The following TMEM132D variants were observed in gnomAD, a reference collection of about 807,000 sequenced individuals.
TMEM132D encodes mature OL transmembrane protein.
Under a neutral mutation model 62.3 loss-of-function variants are expected in TMEM132D, and 21 were observed. That is an observed-to-expected ratio of 0.34 (90% CI 0.24 to 0.49). The LOEUF is 0.49. Ranked by LOEUF, TMEM132D falls within the 20% of genes least tolerant of loss-of-function variation. The probability of loss-of-function intolerance (pLI) is 0.99; values close to 1 mark genes in which losing one functional copy is unlikely to be tolerated. For missense variants in TMEM132D, 1,346 were observed against 1,402.8 expected (o/e 0.96, Z 0.65); for synonymous variants, 621 against 575.6 (o/e 1.08, Z -1.13).
At chr12:129,647,121 C>CATATACAT (rs1555223528) in intron 2 of TMEM132D, among the ~76,000 whole-genome samples, 19 of 146,460 alleles carry the variant, frequency 1.3e-4, no homozygotes, top group African/African-American at 4.7e-4. Context: ...TACATACATA[C>CATATACAT]ATATATATAT....
chr12:129,343,388 G>T (rs1205479357), intron 3 of TMEM132D, among the ~76,000 whole-genome samples: 6 of 150,714 alleles, frequency 4.0e-5, no homozygotes, highest in Non-Finnish European at 8.8e-5. Flanking sequence ...AGAACACATG[G>T]ACAGAGGAAG....
chr12:129,466,297 T>G (rs1273902297), intron 3 of TMEM132D, among the ~76,000 whole-genome samples: 245 of 8,798 alleles, frequency 0.028, 47 homozygotes, highest in East Asian at 0.2. Flanking sequence ...TTTTTTTTTT[T>G]TTTTTTTTTT....
chr12:129,903,421 G>A lies in TMEM132D; in HGVS notation c.-82C>T, dbSNP rs1270207425. The A allele has an allele frequency of 1.4e-6, 2 of 1,438,830 alleles. No homozygotes were observed. The highest frequency in any genetic ancestry group is 5.0e-5 in the East Asian group (2 of 39,968). 89.1% of individuals were successfully genotyped at this position (1,438,830 alleles called of 1,614,324 possible). A position where few individuals can be genotyped will look rare whatever the true frequency, so the allele number is the denominator to read the frequency against. ...GACCGTCTCAGTCCCCTAGAGGCCC[G>A]CAGCGGGGCCGGTGGCGAGGGAGCG... On this transcript the variant is annotated 5_prime_UTR_variant, in exon 1 of 9. Transcript: ENST00000422113. The surrounding 1 kb of genome is among the most constrained non-coding windows in gnomAD (Gnocchi z 6.2).
chr12:129,361,485 C>G (rs11060272), intron 3 of TMEM132D, among the ~76,000 whole-genome samples: 94,773 of 151,990 alleles, frequency 0.62, 30,179 homozygotes, highest in African/African-American at 0.72. Context: ...GGAGAAACTG[C>G]AGGCAGGGAA....
At chr12:129,213,192 T>C (rs73418285) in intron 4 of TMEM132D, among the ~76,000 whole-genome samples, 1,700 of 152,276 alleles carry the variant, frequency 0.011, 32 homozygotes, top group African/African-American at 0.037. Context: ...TTCATTTGTA[T>C]TGCTATAAAG....
At chr12:129,788,031 C>T (rs1871290982) in intron 1 of TMEM132D, among the ~76,000 whole-genome samples, 1 of 152,224 alleles carries the variant, frequency 6.6e-6, no homozygotes, top group East Asian at 1.9e-4. Context: ...CCCACCCAGG[C>T]ATCCTGGCCC....
rs973252729 is a variant in TMEM132D, at chr12:129,827,767, C to T, written c.79+75494G>A. Among the ~76,000 whole-genome samples, 4 of 152,066 alleles carry T rather than the reference C, an allele frequency of 2.6e-5. No homozygotes were observed. The highest frequency in any genetic ancestry group is 5.9e-5 in the Non-Finnish European group (4 of 68,018). On this transcript the variant is annotated intron_variant, in intron 1 of 8. Coordinates refer to ENST00000422113, the MANE Select transcript of TMEM132D (RefSeq NM_133448.3). The surrounding 1 kb of genome is among the most constrained non-coding windows in gnomAD (Gnocchi z 9.7). The stretch of plus-strand genomic sequence containing the variant: ...CCCCTCACCTCAGTTAAGTGCATTC[C>T]GAGCTAACAGATGCAAAGTGCTTGG...
At chr12:129,492,786 C>A (rs554894450) in intron 3 of TMEM132D, among the ~76,000 whole-genome samples, 126 of 152,230 alleles carry the variant, frequency 8.3e-4, no homozygotes, top group Middle Eastern at 3.4e-3. Context: ...ACCCTCAAGT[C>A]ACTAAGGTCT....
intron 3 of TMEM132D, among the ~76,000 whole-genome samples, chr12:129,353,750 A>G (rs1444303062): frequency 6.6e-6 from 1 of 152,174 alleles, no homozygotes; most frequent in Non-Finnish European, 1.5e-5. Context: ...TAAACCAAAC[A>G]TCTTCCTTCC....
intron 3 of TMEM132D, among the ~76,000 whole-genome samples, chr12:129,469,359 C>A (rs1482682136): frequency 6.6e-6 from 1 of 151,946 alleles, no homozygotes; most frequent in Admixed American, 6.6e-5. Context: ...TCAAGATGTG[C>A]CCCCCGTGTC....
intron 3 of TMEM132D, among the ~76,000 whole-genome samples, chr12:129,527,838 G>A (rs7971983): frequency 0.67 from 101,771 of 152,124 alleles, 34,536 homozygotes; most frequent in African/African-American, 0.78. Flanking sequence ...TGTTCATACT[G>A]TTATGATCAG....
chr12:129,712,938 A>T (rs1025536345), intron 1 of TMEM132D, among the ~76,000 whole-genome samples: 3 of 152,160 alleles, frequency 2.0e-5, no homozygotes, highest in Non-Finnish European at 2.9e-5. Flanking sequence ...AAGTGACCTT[A>T]GTGCCATCAT....
chr12:129,257,937 A>AT (rs1239145933), intron 4 of TMEM132D, among the ~76,000 whole-genome samples: 2 of 152,152 alleles, frequency 1.3e-5, no homozygotes, highest in Non-Finnish European at 2.9e-5. Flanking sequence ...CTGCATGTTA[A>AT]TTTACATGAG....
intron 3 of TMEM132D, among the ~76,000 whole-genome samples, chr12:129,353,488 C>CTCT (rs1210948798): frequency 6.6e-6 from 1 of 152,108 alleles, no homozygotes; most frequent in African/African-American, 2.4e-5. Flanking sequence ...GCCAGCCCCC[C>CTCT]TCTTCTCCTC....
At chr12:129,829,560 T>C (rs915988157) in intron 1 of TMEM132D, among the ~76,000 whole-genome samples, 1 of 152,154 alleles carries the variant, frequency 6.6e-6, no homozygotes, top group Non-Finnish European at 1.5e-5. Context: ...GGTCAATGTC[T>C]GTCCTGAGCC....
At chr12:129,529,987 G>T (rs1876167970) in intron 3 of TMEM132D, among the ~76,000 whole-genome samples, 1 of 152,106 alleles carries the variant, frequency 6.6e-6, no homozygotes, top group Non-Finnish European at 1.5e-5. Flanking sequence ...CTCAAATACA[G>T]ATTTTCTCTT....
chr12:129,467,194 T>C (rs987985632), intron 3 of TMEM132D, among the ~76,000 whole-genome samples: 3 of 152,176 alleles, frequency 2.0e-5, no homozygotes, highest in Admixed American at 6.5e-5. Flanking sequence ...GACCAAAGAA[T>C]AGTAATTTGT....
At chr12:129,317,628 G>A (rs207473530) in intron 4 of TMEM132D, among the ~76,000 whole-genome samples, 1 of 152,166 alleles carries the variant, frequency 6.6e-6, no homozygotes, top group Non-Finnish European at 1.5e-5. Context: ...CCTAGGTGAA[G>A]ATCTTTTGGC....
At chr12:129,686,521 A>G (rs182644563) in intron 2 of TMEM132D, among the ~76,000 whole-genome samples, 68 of 152,254 alleles carry the variant, frequency 4.5e-4, no homozygotes, top group Non-Finnish European at 4.6e-4. Context: ...TCTTTCCTTT[A>G]TAAATTACCC....
Sources: gnomAD v4.1 joint callset for allele counts (sites outside exome capture counted in the v4.1 genomes callset) on GRCh38, gnomAD v4.1.1 for gene constraint, Gnocchi (gnomAD v3.1) non-coding constraint, MANE v1.5 for transcripts, NCBI Gene and HGNC (gene_info 2026-07-23, HGNC 2026-07-21) for gene names.